HS6ST2: variants seen among roughly 807,000 people sequenced by gnomAD.
The protein encoded by HS6ST2 is heparan sulfate 6-O-sulfotransferase 2, also known as heparan-sulfate 6-O-sulfotransferase 2.
HS6ST2 carries 17 observed loss-of-function variants against 33.0 expected under a neutral mutation model. That is an observed-to-expected ratio of 0.52 (90% CI 0.35 to 0.77). The LOEUF (loss-of-function observed/expected upper bound fraction) is 0.77. Ranked by LOEUF, HS6ST2 falls within the 30% of genes least tolerant of loss-of-function variation. The pLI is 0.01. For synonymous variants in HS6ST2, 248 were observed against 237.1 expected (o/e 1.05, Z -0.42); for missense variants, 519 against 551.7 (o/e 0.94, Z 0.59).
Position 132,764,376 on chromosome X carries a change from T to G in HS6ST2, c.948-55882A>C, listed in dbSNP as rs2064826526. On this transcript the variant is annotated intron_variant, in intron 2 of 4. Transcript: ENST00000370833. The stretch of plus-strand genomic sequence containing the variant: ...CAACTAAAGGCATTTGAACAACCAT[T>G]GACATTTTGGTAACACTAACAAAAC... Among the ~76,000 whole-genome samples the G allele has an allele frequency of 4.5e-5, 5 of 111,985 alleles. No homozygotes were observed. In the Admixed American group the frequency reaches 4.7e-4, roughly 11 times the overall value.
chrX:132,804,667 T>G (rs2065264575), intron 2 of HS6ST2, among the ~76,000 whole-genome samples: 1 of 111,292 alleles, frequency 9.0e-6, no homozygotes, highest in Non-Finnish European at 1.9e-5. Context: ...ATTAGTTAGC[T>G]ATGTGCCTAT....
At chrX:132,655,751 T>C (rs1363885369) in intron 4 of HS6ST2, among the ~76,000 whole-genome samples, 1 of 111,337 alleles carries the variant, frequency 9.0e-6, no homozygotes, top group African/African-American at 3.3e-5. Flanking sequence ...TTAGTGAATA[T>C]AATATAAAGA....
At chrX:132,955,485 A>C (rs1300002182) in intron 2 of HS6ST2, among the ~76,000 whole-genome samples, 1 of 111,961 alleles carries the variant, frequency 8.9e-6, no homozygotes, top group Non-Finnish European at 1.9e-5. Flanking sequence ...CTGCAGTTGG[A>C]CAGAAAAATC....
chrX:132,826,462 A>T (rs768638752), intron 2 of HS6ST2, among the ~76,000 whole-genome samples: 4 of 111,139 alleles, frequency 3.6e-5, no homozygotes, highest in Non-Finnish European at 7.5e-5. Context: ...TATCTCATTA[A>T]TATTTTTATA....
rs750229841 is a variant in HS6ST2, at chrX:132,750,558, C to T, written c.948-42064G>A. On this transcript the variant is annotated intron_variant, in intron 2 of 4. Transcript: ENST00000370833. ...AGACATCTGTTTAGAGTTTCTTTGGCTCCAGCACTTTATTTTGTGGTGTGA... is the reference window on the plus strand; with the variant it reads ...AGACATCTGTTTAGAGTTTCTTTGGTTCCAGCACTTTATTTTGTGGTGTGA... 1.3e-4 allele frequency among the ~76,000 whole-genome samples: 14 copies of T among 111,586 alleles called. No homozygotes were observed. The East Asian group carries it at 3.9e-3, about 31-fold the overall frequency.
chrX:132,751,217 A>G lies in HS6ST2; in HGVS notation c.948-42723T>C, dbSNP rs755771046. ...GCCATTCTGGATCCACCCCCACTCCAAAGAACTCTTAGAAGCAGTGTGTCT... is the reference window on the plus strand; with the variant it reads ...GCCATTCTGGATCCACCCCCACTCCGAAGAACTCTTAGAAGCAGTGTGTCT... On this transcript the variant is annotated intron_variant, in intron 2 of 4. Coordinates refer to ENST00000370833, the MANE Select transcript of HS6ST2 (RefSeq NM_001394073.1). Among the ~76,000 whole-genome samples the G allele has an allele frequency of 3.7e-3, 413 of 110,242 alleles. 1 individual carries two copies. The highest frequency in any genetic ancestry group is 6.0e-3 in the Non-Finnish European group (316 of 52,678).
At chrX:132,637,805 T>C (rs1345371565) in intron 4 of HS6ST2, among the ~76,000 whole-genome samples, 3 of 43,953 alleles carry the variant, frequency 6.8e-5, no homozygotes, top group African/African-American at 2.1e-4. Context: ...TATAATATTA[T>C]ATATTATTTT....
chrX:132,788,553 T>C (rs191435889), intron 2 of HS6ST2, among the ~76,000 whole-genome samples: 1 of 111,326 alleles, frequency 9.0e-6, no homozygotes, highest in Non-Finnish European at 1.9e-5. Flanking sequence ...AAAGAAAGAG[T>C]CCCACATCTC....
intron 4 of HS6ST2, among the ~76,000 whole-genome samples, chrX:132,659,789 G>A (rs1336651505): frequency 1.8e-5 from 2 of 111,345 alleles, no homozygotes; most frequent in Non-Finnish European, 3.8e-5. Flanking sequence ...CAGTAGAAAG[G>A]GCTAATAACC....
intron 2 of HS6ST2, among the ~76,000 whole-genome samples, chrX:132,811,923 T>C (rs1478265461): frequency 9.3e-6 from 1 of 107,514 alleles, no homozygotes; most frequent in Non-Finnish European, 1.9e-5. Context: ...ATCCTTGCTT[T>C]CAGTTCTTTT....
intron 2 of HS6ST2, among the ~76,000 whole-genome samples, chrX:132,899,557 C>T (rs988878973): frequency 9.1e-6 from 1 of 110,112 alleles, no homozygotes; most frequent in African/African-American, 3.3e-5. Context: ...GATGAATGAA[C>T]CTAAAGACAC....
intron 2 of HS6ST2, among the ~76,000 whole-genome samples, chrX:132,847,286 T>TG: frequency 9.0e-6 from 1 of 111,388 alleles, no homozygotes; most frequent in East Asian, 2.8e-4. Context: ...TTCTTTGTCA[T>TG]GGGGGGCTGT....
chrX:132,641,934 G>A (rs1226580727), intron 4 of HS6ST2, among the ~76,000 whole-genome samples: 2 of 112,253 alleles, frequency 1.8e-5, no homozygotes, highest in African/African-American at 3.2e-5. Flanking sequence ...TGGGATCTGA[G>A]CATTTTAGAG....
Position 132,683,955 on chromosome X carries a change from T to C in HS6ST2, c.981-14756A>G, listed in dbSNP as rs778733449. 9.1e-5 allele frequency among the ~76,000 whole-genome samples: 10 copies of C among 110,137 alleles called. No homozygotes were observed. The East Asian group carries it at 2.8e-3, about 31-fold the overall frequency. On this transcript the variant is annotated intron_variant, in intron 3 of 4. Coordinates refer to ENST00000370833, the MANE Select transcript of HS6ST2 (RefSeq NM_001394073.1). Reference sequence around the variant, plus strand: ...TGGGGAAGAACAAGATCAGTAGAAATATTTTAGAAGGGATAAGAGACTAAT... The same window carrying C: ...TGGGGAAGAACAAGATCAGTAGAAACATTTTAGAAGGGATAAGAGACTAAT...
At chrX:132,793,329 G>T (rs2065138178) in intron 2 of HS6ST2, among the ~76,000 whole-genome samples, 1 of 110,056 alleles carries the variant, frequency 9.1e-6, no homozygotes, top group South Asian at 3.9e-4. Flanking sequence ...CCAAAGTACT[G>T]GGATTACAGC....
intron 4 of HS6ST2, among the ~76,000 whole-genome samples, chrX:132,653,464 G>A (rs947533960): frequency 1.1e-4 from 12 of 111,779 alleles, no homozygotes; most frequent in African/African-American, 3.9e-4. Flanking sequence ...AAAGGATCTC[G>A]TGTTTCTAGC....
intron 2 of HS6ST2, among the ~76,000 whole-genome samples, chrX:132,766,073 C>G (rs891723956): frequency 2.7e-5 from 3 of 111,606 alleles, no homozygotes. Flanking sequence ...GGCCCAGACT[C>G]AGGAACCAGA....
chrX:132,714,541 A>C (rs1232616965), intron 2 of HS6ST2, among the ~76,000 whole-genome samples: 1 of 110,182 alleles, frequency 9.1e-6, no homozygotes, highest in African/African-American at 3.3e-5. Flanking sequence ...CTGGTCTCAA[A>C]CTCCTGACCT....
At chrX:132,657,615 G>C (rs1210946497) in intron 4 of HS6ST2, among the ~76,000 whole-genome samples, 1 of 108,114 alleles carries the variant, frequency 9.2e-6, no homozygotes, top group African/African-American at 3.4e-5. Context: ...AAGGTCTTTG[G>C]AGACATTATA....
Sources: gnomAD v4.1 joint callset for allele counts (sites outside exome capture counted in the v4.1 genomes callset) on GRCh38, gnomAD v4.1.1 for gene constraint, MANE v1.5 for transcripts, NCBI Gene and HGNC (gene_info 2026-07-23, HGNC 2026-07-21) for gene names.